Variants in AKAP13 observed in about 807,000 individuals in gnomAD.
AKAP13 encodes the protein A-kinase anchor protein 13.
In AKAP13, 80 loss-of-function variants were observed where a neutral mutation model predicts 264.5. The ratio of observed to expected loss-of-function variants is 0.30; its 90% CI spans 0.25 to 0.36. The LOEUF (loss-of-function observed/expected upper bound fraction) is 0.36, where lower values mean the gene tolerates loss of function less well. Among genes scored for constraint, AKAP13 ranks in the 10% least tolerant of loss-of-function variants. The probability of loss-of-function intolerance (pLI) is 1.00; values close to 1 mark genes in which losing one functional copy is unlikely to be tolerated. For missense variants in AKAP13, 3,712 were observed against 3,435.2 expected, an observed-to-expected ratio of 1.08 and a Z score of -2.01; for synonymous variants, 1,380 against 1,250.2, an observed-to-expected ratio of 1.10 and a Z score of -2.19.
At chr15:85,687,309 G>C (rs890965980) in intron 16 of AKAP13, among the ~76,000 whole-genome samples, 1 of 152,152 alleles carries the variant, frequency 6.6e-6, no homozygotes. Context: ...ACTATACAGC[G>C]TAATTTTTTT....
intron 3 of AKAP13, among the ~76,000 whole-genome samples, chr15:85,528,683 A>C (rs1250509055): frequency 6.6e-6 from 1 of 152,134 alleles, no homozygotes. Context: ...AGCATACTTG[A>C]TGAGGATCCC....
intron 1 of AKAP13, among the ~76,000 whole-genome samples, chr15:85,404,598 C>A (rs970147393): frequency 6.6e-6 from 1 of 152,194 alleles, no homozygotes; most frequent in Non-Finnish European, 1.5e-5. Flanking sequence ...CCTACATAAA[C>A]CCTGCTTCAT....
At chr15:85,707,017 A>C (rs1166450103) in intron 17 of AKAP13, among the ~76,000 whole-genome samples, 1 of 152,186 alleles carries the variant, frequency 6.6e-6, no homozygotes, top group Non-Finnish European at 1.5e-5. Context: ...GTTGGCCCTT[A>C]ACTGGTGAGT....
In AKAP13 at chr15:85,602,597, C is replaced by T. The variant is rs1201018539; in HGVS notation, c.4161+16774C>T. Among the ~76,000 whole-genome samples, 4 of 152,112 alleles carry T rather than the reference C, an allele frequency of 2.6e-5. No individual in the cohort carries two copies. The South Asian group carries it at 8.3e-4, about 31-fold the overall frequency. ...CACCTTCTGGATTCAAGTGATTCTC[C>T]TCCTGCCTCAGCCTCCCCAGTAACT... On this transcript the variant is annotated intron_variant, in intron 8 of 36. Transcript: ENST00000394518.
At chr15:85,398,521 T>G (rs1423448453) in intron 1 of AKAP13, among the ~76,000 whole-genome samples, 1 of 152,176 alleles carries the variant, frequency 6.6e-6, no homozygotes, top group East Asian at 1.9e-4. Flanking sequence ...CATAAACAGG[T>G]TATAAAACAT....
At chr15:85,449,680 CAT>C (rs1419018360) in intron 1 of AKAP13, among the ~76,000 whole-genome samples, 3 of 152,046 alleles carry the variant, frequency 2.0e-5, no homozygotes, top group Non-Finnish European at 4.4e-5. Context: ...TTGAGATAAT[CAT>C]GTGGTTTTTA....
intron 1 of AKAP13, among the ~76,000 whole-genome samples, chr15:85,406,239 C>T (rs1289234215): frequency 6.6e-6 from 1 of 152,148 alleles, no homozygotes; most frequent in Non-Finnish European, 1.5e-5. Context: ...CACGGTAGTG[C>T]AGTTATTTCC....
intron 1 of AKAP13, among the ~76,000 whole-genome samples, chr15:85,420,711 A>G (rs2072481708): frequency 6.6e-6 from 1 of 152,192 alleles, no homozygotes; most frequent in Non-Finnish European, 1.5e-5. Flanking sequence ...AATTATCTGA[A>G]TGGGATGGAA....
intron 8 of AKAP13, among the ~76,000 whole-genome samples, chr15:85,626,347 C>T (rs980317343): frequency 6.6e-6 from 1 of 152,190 alleles, no homozygotes. Flanking sequence ...CCAGCTGTCT[C>T]TCCAGAACTT....
In AKAP13 at chr15:85,740,195, A is replaced by G. The variant is rs1032975480; in HGVS notation, c.7558-27A>G. 7 of 1,613,780 alleles carry G rather than the reference A, an allele frequency of 4.3e-6. No homozygotes were observed. In the African/African-American group the frequency reaches 5.3e-5, roughly 12 times the overall value. ...CTGAGATTCATAAAGCCCTGAAACG[A>G]ATGTTTCCATTTTGTTCCTTTGGCA... On this transcript the variant is annotated intron_variant, in intron 33 of 36. Coordinates refer to ENST00000394518, the MANE Select transcript of AKAP13 (RefSeq NM_007200.5).
At chr15:85,661,984 T>G (rs972564700) in intron 12 of AKAP13, among the ~76,000 whole-genome samples, 15 of 151,616 alleles carry the variant, frequency 9.9e-5, no homozygotes, top group Non-Finnish European at 2.1e-4. Flanking sequence ...AGTCTAGGAT[T>G]AGAGATACTA....
At chr15:85,587,307 A>G (rs2079402185) in intron 8 of AKAP13, among the ~76,000 whole-genome samples, 1 of 152,206 alleles carries the variant, frequency 6.6e-6, no homozygotes, top group Non-Finnish European at 1.5e-5. Context: ...ATAACACAAT[A>G]TGTGATCTTT....
intron 1 of AKAP13, among the ~76,000 whole-genome samples, chr15:85,410,794 A>C (rs2071923871): frequency 6.6e-6 from 1 of 151,136 alleles, no homozygotes; most frequent in African/African-American, 2.5e-5. Flanking sequence ...CATAGAGATC[A>C]TTTTCCGTTC....
At chr15:85,538,834 G>C (rs1208411527) in intron 4 of AKAP13, among the ~76,000 whole-genome samples, 1 of 139,220 alleles carries the variant, frequency 7.2e-6, no homozygotes, top group Non-Finnish European at 1.6e-5. Context: ...ATTAGTGTTT[G>C]TGTATTTTTT....
At chr15:85,692,025 T>C (rs2085314365) in intron 16 of AKAP13, among the ~76,000 whole-genome samples, 1 of 152,150 alleles carries the variant, frequency 6.6e-6, no homozygotes. Flanking sequence ...AGTGACCCTG[T>C]TGGTATCTAG....
intron 8 of AKAP13, among the ~76,000 whole-genome samples, chr15:85,604,199 TA>T (rs532949519): frequency 0.019 from 2,965 of 152,150 alleles, 78 homozygotes; most frequent in African/African-American, 0.067. Flanking sequence ...TAGGTCACTT[TA>T]AAAAAAATAA....
intron 2 of AKAP13, among the ~76,000 whole-genome samples, chr15:85,508,006 G>T (rs972576997): frequency 3.3e-5 from 5 of 151,844 alleles, no homozygotes; most frequent in African/African-American, 1.2e-4. Context: ...CCTTTTCTCT[G>T]TGGCATTTTG....
At chr15:85,603,856 C>T (rs1475095515) in intron 8 of AKAP13, among the ~76,000 whole-genome samples, 2 of 152,220 alleles carry the variant, frequency 1.3e-5, no homozygotes, top group African/African-American at 4.8e-5. Context: ...CTTCCCCACA[C>T]TGGAACAGAC....
chr15:85,687,138 C>T (rs1175057318), intron 16 of AKAP13, among the ~76,000 whole-genome samples: 1 of 152,086 alleles, frequency 6.6e-6, no homozygotes, highest in African/African-American at 2.4e-5. Flanking sequence ...GGACCCTGAC[C>T]TTTAAAAAAG....
Sources: gnomAD v4.1 joint callset for allele counts (sites outside exome capture counted in the v4.1 genomes callset) on GRCh38, gnomAD v4.1.1 for gene constraint, MANE v1.5 for transcripts, NCBI Gene and HGNC (gene_info 2026-07-23, HGNC 2026-07-21) for gene names.